The following NEMF variants were observed in gnomAD, a reference collection of about 807,000 sequenced individuals.
The protein encoded by NEMF is nuclear export mediator factor, also known as ribosome quality control complex subunit NEMF.
A neutral mutation model predicts 162.2 loss-of-function variants in NEMF; 89 were observed. The ratio of observed to expected loss-of-function variants is 0.55; its 90% CI spans 0.46 to 0.65. The LOEUF (loss-of-function observed/expected upper bound fraction) is 0.65. Ranked by LOEUF, NEMF falls within the 30% of genes least tolerant of loss-of-function variation. NEMF has a pLI of 0.00. For missense variants in NEMF, 1,133 were observed against 1,261.9 expected, an observed-to-expected ratio of 0.90 and a Z score of 1.55; for synonymous variants, 421 against 404.5, an observed-to-expected ratio of 1.04 and a Z score of -0.49.
chr14:49,794,707 T>A (rs1382439667), intron 26 of NEMF, among the ~76,000 whole-genome samples: 2 of 136,792 alleles, frequency 1.5e-5, no homozygotes, highest in African/African-American at 5.3e-5. Flanking sequence ...CTCATTTTTA[T>A]ACTGCTACAG....
In NEMF at chr14:49,789,708, T is replaced by C. The variant is rs145629130; in HGVS notation, c.2620-135A>G. On this transcript the variant is annotated intron_variant, in intron 26 of 32. Transcript: ENST00000298310. ...AATAAGGCACCATTATAATAAACAA[T>C]ATGAAGGCTACAAAGTTGGATAACT... 3.0e-4 allele frequency: 378 copies of C among 1,251,934 alleles called. No individual in the cohort carries two copies. In the African/African-American group the frequency reaches 5.2e-3, roughly 17 times the overall value. The allele number at this position is 1,251,934 out of a possible 1,614,324, so 77.6% of individuals were successfully genotyped here. A position where few individuals can be genotyped will look rare whatever the true frequency, so the allele number is the denominator to read the frequency against.
At chr14:49,786,605 T>C in intron 29 of NEMF, 113 bp downstream of exon 29, 1 of 998,432 alleles carries the variant, frequency 1.0e-6, no homozygotes, top group Non-Finnish European at 1.5e-6. Flanking sequence ...TTTGACTTCG[T>C]AGCCTGCAGT....
chr14:49,787,871 G>GTT (rs1487254644), intron 28 of NEMF, among the ~76,000 whole-genome samples: 2 of 152,206 alleles, frequency 1.3e-5, no homozygotes, highest in Middle Eastern at 6.8e-3. Context: ...CAGAATCCCT[G>GTT]TAAGCATTAC....
At chr14:49,787,561 A>T (rs191734524) in intron 28 of NEMF, among the ~76,000 whole-genome samples, 7 of 152,274 alleles carry the variant, frequency 4.6e-5, no homozygotes, top group South Asian at 2.1e-4. Flanking sequence ...CACGTGGCAA[A>T]AGGGCACTCA....
At chr14:49,811,733 T>G (rs1390409729) in intron 18 of NEMF, among the ~76,000 whole-genome samples, 2 of 151,180 alleles carry the variant, frequency 1.3e-5, no homozygotes, top group Non-Finnish European at 2.9e-5. Flanking sequence ...TATTAGTAGA[T>G]TATATTACAT....
At chr14:49,804,327 T>A (rs950173306) in intron 19 of NEMF, among the ~76,000 whole-genome samples, 18 of 152,142 alleles carry the variant, frequency 1.2e-4, no homozygotes, top group Non-Finnish European at 2.1e-4. Flanking sequence ...AGCAGATTTT[T>A]AAAAATATAT....
chr14:49,801,633 A>G (rs1391749276), intron 22 of NEMF: 1 of 152,242 alleles, frequency 6.6e-6, no homozygotes, highest in East Asian at 1.9e-4. Flanking sequence ...GAATGACCTT[A>G]GCAGAGAGAA....
intron 7 of NEMF, among the ~76,000 whole-genome samples, chr14:49,833,791 T>C (rs1199131455): frequency 6.6e-6 from 1 of 152,238 alleles, no homozygotes; most frequent in Non-Finnish European, 1.5e-5. Flanking sequence ...TTGGAATCTT[T>C]ATGCTATTCC....
At chr14:49,788,200 A>G (rs995403975) in intron 28 of NEMF, among the ~76,000 whole-genome samples, 1 of 137,688 alleles carries the variant, frequency 7.3e-6, no homozygotes, top group Admixed American at 8.4e-5. Flanking sequence ...AATTGCTTGA[A>G]TCCGGGAGGT....
At chr14:49,836,176 G>A (rs1359270042) in intron 6 of NEMF, among the ~76,000 whole-genome samples, 3 of 152,226 alleles carry the variant, frequency 2.0e-5, no homozygotes, top group Non-Finnish European at 2.9e-5. Flanking sequence ...CTACGTGGGA[G>A]GCTGAGGCAA....
chr14:49,786,644 G>A, intron 29 of NEMF, 74 bp downstream of exon 29: 1 of 1,412,312 alleles, frequency 7.1e-7, no homozygotes, highest in Non-Finnish European at 9.9e-7. Flanking sequence ...GTTTTAATAA[G>A]TTGTGTTTCA....
intron 25 of NEMF, chr14:49,796,438 C>A: frequency 2.9e-6 from 1 of 350,664 alleles, no homozygotes; most frequent in Middle Eastern, 4.6e-4. Flanking sequence ...CTCATTACAT[C>A]CCACCCAGAC....
intron 4 of NEMF, among the ~76,000 whole-genome samples, 183 bp from the exon 5 acceptor site, chr14:49,841,049 T>C (rs1054562354): frequency 6.6e-5 from 10 of 151,524 alleles, no homozygotes; most frequent in Non-Finnish European, 1.0e-4. Flanking sequence ...ATACAAAAGT[T>C]AGCCAGGTAT....
intron 5 of NEMF, chr14:49,839,799 A>G (rs1217304595): frequency 6.6e-6 from 1 of 152,228 alleles, no homozygotes; most frequent in East Asian, 1.9e-4. Flanking sequence ...CAAGGATGAC[A>G]TGAAATTTGT....
intron 4 of NEMF, among the ~76,000 whole-genome samples, chr14:49,844,296 A>G (rs1226813473): frequency 1.3e-5 from 2 of 152,100 alleles, no homozygotes; most frequent in African/African-American, 2.4e-5. Context: ...TTGCATGCAC[A>G]GTTCACAATA....
chr14:49,841,604 A>C (rs1294174564), intron 4 of NEMF, among the ~76,000 whole-genome samples: 9 of 149,652 alleles, frequency 6.0e-5, no homozygotes, highest in Admixed American at 1.3e-4. Context: ...AAAAAAATTG[A>C]GAAAGAAAAT....
chr14:49,822,119 G>C lies in NEMF; in HGVS notation c.1577+3748C>G, dbSNP rs894877579. Among the ~76,000 whole-genome samples the C allele has an allele frequency of 3.3e-5, 5 of 151,940 alleles. No homozygotes were observed. In the South Asian group the frequency reaches 1.0e-3, roughly 32 times the overall value. On this transcript the variant is annotated intron_variant, in intron 16 of 32. Transcript: ENST00000298310. ...ACAGATGCTTGAAGGCAGCATGCTC[G>C]TTGAGAGTCATCACCACTCCCCAAT...
At chr14:49,851,077 G>A (rs1013838711) in intron 3 of NEMF, among the ~76,000 whole-genome samples, 9 of 152,052 alleles carry the variant, frequency 5.9e-5, no homozygotes, top group Admixed American at 3.3e-4. Flanking sequence ...GGTGGCACAC[G>A]CCTGTAATCC....
chr14:49,833,060 G>A (rs1167419935), intron 8 of NEMF, among the ~76,000 whole-genome samples: 1 of 152,154 alleles, frequency 6.6e-6, no homozygotes, highest in Non-Finnish European at 1.5e-5. Context: ...GAGGTCAGGA[G>A]TTCGAGACCA....
Sources: allele counts gnomAD v4.1 joint callset (sites outside exome capture counted in the v4.1 genomes callset), GRCh38; gene constraint gnomAD v4.1.1; transcripts MANE v1.5; gene names NCBI Gene and HGNC (gene_info 2026-07-23, HGNC 2026-07-21).